The following MAP3K20 variants were observed in gnomAD, a reference collection of about 807,000 sequenced individuals.
The protein encoded by MAP3K20 is HCCS-4.
Under a neutral mutation model 85.7 loss-of-function variants are expected in MAP3K20, and 40 were observed. The observed-to-expected ratio is 0.47, with a 90% CI of 0.36 to 0.61. MAP3K20 has a LOEUF of 0.61. MAP3K20 is among the 20% of genes least tolerant of loss of function. The probability of loss-of-function intolerance (pLI) is 0.00; values close to 1 mark genes in which losing one functional copy is unlikely to be tolerated. For missense variants in MAP3K20, 817 were observed against 961.7 expected, an observed-to-expected ratio of 0.85 and a Z score of 1.99; for synonymous variants, 325 against 327.7, an observed-to-expected ratio of 0.99 and a Z score of 0.09.
At chr2:173,243,270 GA>G (rs1339454596) in intron 16 of MAP3K20, among the ~76,000 whole-genome samples, 1 of 152,200 alleles carries the variant, frequency 6.6e-6, no homozygotes, top group Non-Finnish European at 1.5e-5. Context: ...AGGGGTGAGG[GA>G]GGGTCCTTGA....
At chr2:173,109,036 C>T (rs1162058177) in intron 2 of MAP3K20, among the ~76,000 whole-genome samples, 2 of 152,202 alleles carry the variant, frequency 1.3e-5, no homozygotes, top group Non-Finnish European at 2.9e-5. Flanking sequence ...ATATTTTCTG[C>T]TTCAACTCTC....
At chr2:173,083,613 C>A (rs1222242972) in intron 1 of MAP3K20, among the ~76,000 whole-genome samples, 1 of 152,078 alleles carries the variant, frequency 6.6e-6, no homozygotes, top group Non-Finnish European at 1.5e-5. Flanking sequence ...GTGTTACGGA[C>A]AAATACACTG....
intron 14 of MAP3K20, among the ~76,000 whole-genome samples, chr2:173,232,719 G>T (rs1559292374): frequency 6.6e-6 from 1 of 152,036 alleles, no homozygotes; most frequent in Non-Finnish European, 1.5e-5. Context: ...TTCCAGGCTG[G>T]TCTCCAACTC....
intron 16 of MAP3K20, among the ~76,000 whole-genome samples, chr2:173,255,872 A>G (rs895523972): frequency 1.3e-5 from 2 of 152,262 alleles, no homozygotes; most frequent in African/African-American, 4.8e-5. Context: ...TTCAGAGAAG[A>G]GCAATCATGA....
intron 1 of MAP3K20, among the ~76,000 whole-genome samples, chr2:173,080,880 C>A (rs150464462): frequency 3.3e-5 from 5 of 152,244 alleles, no homozygotes; most frequent in African/African-American, 1.2e-4. Context: ...ACCCTTCTTT[C>A]TGGACTCATC....
chr2:173,142,763 A>T (rs1321411774), intron 2 of MAP3K20, among the ~76,000 whole-genome samples: 1 of 152,148 alleles, frequency 6.6e-6, no homozygotes, highest in African/African-American at 2.4e-5. Context: ...ACGAATTTTT[A>T]AAAACCAAGA....
At chr2:173,143,839 G>A (rs1574053206) in intron 2 of MAP3K20, among the ~76,000 whole-genome samples, 1 of 152,116 alleles carries the variant, frequency 6.6e-6, no homozygotes, top group East Asian at 1.9e-4. Flanking sequence ...CAGGAAACAA[G>A]TTTATTATAT....
intron 11 of MAP3K20, among the ~76,000 whole-genome samples, chr2:173,228,322 C>T (rs190552254): frequency 6.6e-6 from 1 of 152,238 alleles, no homozygotes; most frequent in Non-Finnish European, 1.5e-5. Context: ...CCTGTCCCTC[C>T]CTCTCCCGCC....
At chr2:173,240,854 T>C (rs914495466) in intron 16 of MAP3K20, among the ~76,000 whole-genome samples, 1 of 152,208 alleles carries the variant, frequency 6.6e-6, no homozygotes, top group Non-Finnish European at 1.5e-5. Context: ...ATCCAACATT[T>C]GGAAGCAAAC....
chr2:173,224,972 A>G (rs1193529376), intron 11 of MAP3K20: 3 of 865,882 alleles, frequency 3.5e-6, no homozygotes, highest in Middle Eastern at 1.2e-3. Context: ...AAAAATGTAC[A>G]TTTAGAGGTT....
chr2:173,155,800 C>A (rs186576084), intron 2 of MAP3K20, among the ~76,000 whole-genome samples: 1 of 152,154 alleles, frequency 6.6e-6, no homozygotes, highest in Non-Finnish European at 1.5e-5. Flanking sequence ...GCGACTCTTC[C>A]ATTAAACGGA....
intron 14 of MAP3K20, among the ~76,000 whole-genome samples, chr2:173,238,168 A>T (rs184630616): frequency 5.3e-5 from 8 of 152,288 alleles, no homozygotes; most frequent in Admixed American, 2.6e-4. Flanking sequence ...AAAAATTTTT[A>T]AAAATTTCTG....
chr2:173,114,068 T>G (rs1351016274), intron 2 of MAP3K20, among the ~76,000 whole-genome samples: 6 of 152,190 alleles, frequency 3.9e-5, no homozygotes, highest in African/African-American at 1.2e-4. Context: ...ATTTGGGTGC[T>G]CCAGTGTTAG....
In MAP3K20 at chr2:173,187,501, A is replaced by G. The variant is rs1243643827; in HGVS notation, c.350-57A>G. 6.3e-6 allele frequency: 9 copies of G among 1,426,782 alleles called. 1 individual carries two copies. Among genetic ancestry groups the G allele is most frequent in the African/African-American group, 4.3e-5 (3 of 69,134 alleles). 88.4% of individuals were successfully genotyped at this position (1,426,782 alleles called of 1,614,324 possible). A position where few individuals can be genotyped will look rare whatever the true frequency, so the allele number is the denominator to read the frequency against. ...GTTCTTTGAAAAACTATGAAAGGTAATACTGATGTAATGTTGAAAAATATT... is the reference window on the plus strand; with the variant it reads ...GTTCTTTGAAAAACTATGAAAGGTAGTACTGATGTAATGTTGAAAAATATT... On this transcript the variant is annotated intron_variant, in intron 4 of 19. Coordinates refer to ENST00000375213, the MANE Select transcript of MAP3K20 (RefSeq NM_016653.3).
At chr2:173,101,935 A>G (rs904989586) in intron 2 of MAP3K20, among the ~76,000 whole-genome samples, 3 of 152,212 alleles carry the variant, frequency 2.0e-5, no homozygotes, top group Non-Finnish European at 2.9e-5. Context: ...CATTGATGAC[A>G]TATGAGATGC....
At chr2:173,196,083 G>T (rs374544470) in intron 7 of MAP3K20, among the ~76,000 whole-genome samples, 52 of 58,024 alleles carry the variant, frequency 9.0e-4, no homozygotes, top group African/African-American at 1.8e-3. Flanking sequence ...ACATGTACAC[G>T]GCGTGTTTAT....
intron 17 of MAP3K20, among the ~76,000 whole-genome samples, chr2:173,259,206 T>A: frequency 6.6e-6 from 1 of 152,196 alleles, no homozygotes; most frequent in East Asian, 1.9e-4. Flanking sequence ...GAGGTCAATT[T>A]CCTGAAGGAC....
chr2:173,239,339 C>A, intron 15 of MAP3K20, 65 bp from the exon 16 acceptor site: 10 of 1,283,860 alleles, frequency 7.8e-6, no homozygotes, highest in East Asian at 5.0e-5. Context: ...GCCAAGATAT[C>A]ATCTTCTTTA....
chr2:173,183,994 C>T (rs1221740525), intron 4 of MAP3K20, among the ~76,000 whole-genome samples: 2 of 152,146 alleles, frequency 1.3e-5, no homozygotes, highest in Non-Finnish European at 2.9e-5. Context: ...GATGCTGCTG[C>T]TGAATGATGC....
Sources: allele counts gnomAD v4.1 joint callset (sites outside exome capture counted in the v4.1 genomes callset), GRCh38; gene constraint gnomAD v4.1.1; transcripts MANE v1.5; gene names NCBI Gene and HGNC (gene_info 2026-07-23, HGNC 2026-07-21).